The following GRIK1 variants were observed in gnomAD, a reference collection of about 807,000 sequenced individuals.
The protein encoded by GRIK1 is glutamate ionotropic receptor kainate type subunit 1.
GRIK1 carries 69 observed loss-of-function variants against 105.7 expected under a neutral mutation model. That is an observed-to-expected ratio of 0.65 (90% confidence interval 0.54 to 0.80). The LOEUF (loss-of-function observed/expected upper bound fraction) is 0.80, where lower values mean the gene tolerates loss of function less well. Among genes scored for constraint, GRIK1 ranks in the 30% least tolerant of loss-of-function variants. The pLI is 0.00. For synonymous variants in GRIK1, 438 were observed against 431.3 expected, an observed-to-expected ratio of 1.02 and a Z score of -0.19; for missense variants, 1,109 against 1,167.3, an observed-to-expected ratio of 0.95 and a Z score of 0.73.
chr21:29,886,913 AATTAGGGGAAGAAAAAAC>A (rs1298436394), intron 1 of GRIK1, among the ~76,000 whole-genome samples: 3 of 152,210 alleles, frequency 2.0e-5, no homozygotes, highest in Non-Finnish European at 4.4e-5. Context: ...TAGCTGGAAC[AATTAGGGGAAGAAAAAAC>A]ATCAGTGAAA....
chr21:29,802,713 A>G (rs1422258295), intron 1 of GRIK1, among the ~76,000 whole-genome samples: 25 of 152,152 alleles, frequency 1.6e-4, no homozygotes, highest in Non-Finnish European at 3.1e-4. Flanking sequence ...ACCCGAAAGA[A>G]TCTCTCCTTG....
intron 1 of GRIK1, among the ~76,000 whole-genome samples, chr21:29,779,792 T>C (rs2066041301): frequency 6.6e-6 from 1 of 152,212 alleles, no homozygotes; most frequent in African/African-American, 2.4e-5. Context: ...TGTGGTCTTA[T>C]AAAAAGTTAC....
intron 1 of GRIK1, among the ~76,000 whole-genome samples, chr21:29,902,267 A>G (rs1328976403): frequency 6.6e-6 from 1 of 152,230 alleles, no homozygotes; most frequent in Non-Finnish European, 1.5e-5. Context: ...TACCACTCCT[A>G]TTCAGCGTAG....
intron 1 of GRIK1, among the ~76,000 whole-genome samples, chr21:29,928,194 A>G (rs1034867986): frequency 2.0e-5 from 3 of 152,260 alleles, no homozygotes; most frequent in Admixed American, 1.3e-4. Flanking sequence ...TTGGACATCC[A>G]TGTCCTAGGC....
intron 1 of GRIK1, among the ~76,000 whole-genome samples, chr21:29,886,487 CTTA>C (rs967354647): frequency 6.6e-6 from 1 of 152,068 alleles, no homozygotes; most frequent in Non-Finnish European, 1.5e-5. Context: ...TTCCAACACA[CTTA>C]TTATAAAGAT....
At chr21:29,876,878 A>C (rs1362719382) in intron 1 of GRIK1, among the ~76,000 whole-genome samples, 1 of 152,210 alleles carries the variant, frequency 6.6e-6, no homozygotes, top group East Asian at 1.9e-4. Flanking sequence ...AGAATCACTG[A>C]ACCAAAAATA....
chr21:29,816,206 A>G lies in GRIK1; in HGVS notation c.119-122143T>C, dbSNP rs554522479. ...GGTATATGAAAAATATAATCAACAT[A>G]ATTAATTATTAGGAAAATACTAATC... On this transcript the variant is annotated intron_variant, in intron 1 of 17. Transcript: ENST00000327783. 2.6e-5 allele frequency among the ~76,000 whole-genome samples: 4 copies of G among 152,176 alleles called. No homozygotes were observed. The East Asian group carries it at 7.7e-4, about 29-fold the overall frequency.
At chr21:29,841,275 A>G (rs2067975650) in intron 1 of GRIK1, among the ~76,000 whole-genome samples, 1 of 152,168 alleles carries the variant, frequency 6.6e-6, no homozygotes, top group South Asian at 2.1e-4. Context: ...AAGCAACTGA[A>G]TGCTTCTAAA....
At chr21:29,625,451 A>G (rs1222116507) in intron 7 of GRIK1, among the ~76,000 whole-genome samples, 4 of 152,110 alleles carry the variant, frequency 2.6e-5, no homozygotes, top group Non-Finnish European at 5.9e-5. Flanking sequence ...ACCTCTTACC[A>G]TACTTCATTC....
At chr21:29,556,891 G>T (rs1358628324) in intron 15 of GRIK1, among the ~76,000 whole-genome samples, 2 of 152,100 alleles carry the variant, frequency 1.3e-5, no homozygotes, top group Non-Finnish European at 2.9e-5. Context: ...TGCAGATGTT[G>T]GTTAGTACAT....
chr21:29,724,420 G>A (rs2064401857), intron 1 of GRIK1, among the ~76,000 whole-genome samples: 1 of 152,042 alleles, frequency 6.6e-6, no homozygotes, highest in Admixed American at 6.6e-5. Flanking sequence ...TCCTATATTT[G>A]GAAATCCTCA....
At chr21:29,897,610 C>A (rs2070219545) in intron 1 of GRIK1, among the ~76,000 whole-genome samples, 1 of 152,144 alleles carries the variant, frequency 6.6e-6, no homozygotes, top group Non-Finnish European at 1.5e-5. Flanking sequence ...TGAAAAGCTG[C>A]AGAAGTAATT....
chr21:29,617,569 G>A (rs781749232), intron 7 of GRIK1, among the ~76,000 whole-genome samples: 10 of 151,188 alleles, frequency 6.6e-5, no homozygotes, highest in Non-Finnish European at 1.5e-4. Context: ...CAGGTACCCG[G>A]GCCCAGTGCC....
chr21:29,889,413 T>C lies in GRIK1; in HGVS notation c.118+49970A>G, dbSNP rs1351206361. Among the ~76,000 whole-genome samples the C allele has an allele frequency of 3.3e-5, 5 of 152,226 alleles. No individual in the cohort carries two copies. In the East Asian group the frequency reaches 9.6e-4, roughly 29 times the overall value. On this transcript the variant is annotated intron_variant, in intron 1 of 17. Coordinates refer to ENST00000327783, the MANE Select transcript of GRIK1 (RefSeq NM_001330994.2). The stretch of plus-strand genomic sequence containing the variant: ...AATACTCCTACTGTGGTTCACTCCA[T>C]CCAGGATAAATCCAGAATCACAAGG...
intron 1 of GRIK1, among the ~76,000 whole-genome samples, chr21:29,831,690 A>G (rs2067646249): frequency 6.6e-6 from 1 of 152,104 alleles, no homozygotes; most frequent in African/African-American, 2.4e-5. Flanking sequence ...TGATCAAAAC[A>G]CCACCCACCA....
At position 29,588,908 on chromosome 21, in the gene GRIK1, G is replaced by A. The variant is rs777230397; in HGVS notation, c.1500C>T (p.Pro500=). 148 of 1,610,350 alleles carry A rather than the reference G, an allele frequency of 9.2e-5. No individual in the cohort carries two copies. Among genetic ancestry groups the A allele is most frequent in the Non-Finnish European group, 1.2e-4 (138 of 1,176,736 alleles). ...CATTCTGGGCCCCATATTTGCCATC[G>A]GGAACTAGTTTAACATCATAAATGA... ...LGFIYDVKLV[P]DGKYGAQNDK... Residue 500 remains proline, a synonymous_variant, in exon 11 of 18, where the codon CCC becomes CCT. Coordinates refer to ENST00000327783, the MANE Select transcript of GRIK1 (RefSeq NM_001330994.2).
intron 1 of GRIK1, among the ~76,000 whole-genome samples, chr21:29,768,146 A>C (rs1366508540): frequency 6.6e-6 from 1 of 151,940 alleles, no homozygotes; most frequent in Admixed American, 6.6e-5. Context: ...AGGCTGGATG[A>C]CCTCCTTTAT....
At chr21:29,602,252 A>G (rs2061533030) in intron 7 of GRIK1, among the ~76,000 whole-genome samples, 1 of 152,240 alleles carries the variant, frequency 6.6e-6, no homozygotes, top group Non-Finnish European at 1.5e-5. Context: ...ATGATCTGGA[A>G]GCTGGGCTAT....
intron 1 of GRIK1, among the ~76,000 whole-genome samples, chr21:29,935,687 T>C: frequency 6.6e-6 from 1 of 152,178 alleles, no homozygotes; most frequent in East Asian, 1.9e-4. Context: ...CATATAAATC[T>C]CCATAATATT....
Sources: gnomAD v4.1 joint callset for allele counts (sites outside exome capture counted in the v4.1 genomes callset) on GRCh38, gnomAD v4.1.1 for gene constraint, MANE v1.5 for transcripts, NCBI Gene and HGNC (gene_info 2026-07-23, HGNC 2026-07-21) for gene names.